The following GRM7 variants were observed in gnomAD, a reference collection of about 807,000 sequenced individuals.
GRM7 encodes glutamate metabotropic receptor 7.
GRM7 carries 35 observed loss-of-function variants against 84.5 expected under a neutral mutation model. The observed-to-expected ratio is 0.41, with a 90% CI of 0.32 to 0.55. GRM7 has a LOEUF of 0.55. GRM7 is among the 20% of genes least tolerant of loss of function. GRM7 has a pLI of 0.19. For synonymous variants in GRM7, 487 were observed against 455.1 expected, an observed-to-expected ratio of 1.07 and a Z score of -0.89; for missense variants, 1,003 against 1,194.6, an observed-to-expected ratio of 0.84 and a Z score of 2.36.
At chr3:7,477,695 C>T (rs2124932090) in intron 7 of GRM7, among the ~76,000 whole-genome samples, 1 of 152,198 alleles carries the variant, frequency 6.6e-6, no homozygotes, top group African/African-American at 2.4e-5. Flanking sequence ...CCATATGTTT[C>T]TTTTTAAAAT....
At chr3:7,323,775 A>G (rs559680364) in intron 4 of GRM7, among the ~76,000 whole-genome samples, 1 of 152,332 alleles carries the variant, frequency 6.6e-6, no homozygotes, top group South Asian at 2.1e-4. Context: ...GTTAATGATT[A>G]CAACAATGAC....
chr3:7,036,971 T>C (rs1251858625), intron 1 of GRM7, among the ~76,000 whole-genome samples: 1 of 152,206 alleles, frequency 6.6e-6, no homozygotes, highest in African/African-American at 2.4e-5. Context: ...TAATGAGTGA[T>C]TAATGGATCA....
In GRM7 at chr3:7,579,153, T is replaced by C. The variant is rs1464861827; in HGVS notation, c.2247T>C (p.Cys749=). Reference sequence around the variant, plus strand: ...AGCAAGCCAGAGGGGTTCTCAAGTGTGACATTACAGATCTCCAAATCATTT... The same window carrying C: ...AGCAAGCCAGAGGGGTTCTCAAGTGCGACATTACAGATCTCCAAATCATTT... ...NPEQARGVLK[C]DITDLQIICS... is the part of the protein sequence containing the mutation. Residue 749 remains cysteine, a synonymous_variant, in exon 8 of 10, where the codon TGT becomes TGC. Transcript: ENST00000357716. The C allele has an allele frequency of 6.2e-7, 1 of 1,613,908 alleles. No individual in the cohort carries two copies. The highest frequency in any genetic ancestry group is 1.1e-5 in the South Asian group (1 of 91,062).
rs375988558 is a variant in GRM7 at position 7,317,288 on chromosome 3, C to T, written c.1033+10636C>T. Among the ~76,000 whole-genome samples, 789 of 139,314 alleles carry T rather than the reference C, an allele frequency of 5.7e-3. 10 individuals are homozygous for T. The highest frequency in any genetic ancestry group is 0.024 in the African/African-American group (758 of 31,200). The allele number at this position is 139,314 out of a possible 152,430, so 91.4% of individuals were successfully genotyped here. A position where few individuals can be genotyped will look rare whatever the true frequency, so the allele number is the denominator to read the frequency against. On this transcript the variant is annotated intron_variant, in intron 4 of 9. Transcript: ENST00000357716. ...TCTTCCCAATTTTTATATGAGCATA[C>T]CACAGACCTTAAGGAGAACTATAGT... is the stretch of plus-strand genomic sequence containing the variant.
chr3:7,207,353 T>C (rs983304949), intron 2 of GRM7, among the ~76,000 whole-genome samples: 1 of 152,146 alleles, frequency 6.6e-6, no homozygotes, highest in Non-Finnish European at 1.5e-5. Flanking sequence ...CCCGGATGCC[T>C]CTCAAAAATG....
intron 1 of GRM7, among the ~76,000 whole-genome samples, chr3:7,013,640 G>A (rs766451408): frequency 1.3e-5 from 2 of 152,006 alleles, no homozygotes; most frequent in Non-Finnish European, 2.9e-5. Flanking sequence ...AAATAAACTA[G>A]CGTGGTGGTG....
At chr3:7,571,857 G>C (rs1485217231) in intron 7 of GRM7, among the ~76,000 whole-genome samples, 1 of 151,562 alleles carries the variant, frequency 6.6e-6, no homozygotes, top group Non-Finnish European at 1.5e-5. Context: ...ACATGACTGG[G>C]GAGGCCTCAC....
At chr3:7,392,719 G>A (rs1433474698) in intron 4 of GRM7, among the ~76,000 whole-genome samples, 3 of 152,198 alleles carry the variant, frequency 2.0e-5, no homozygotes, top group African/African-American at 7.2e-5. Flanking sequence ...GTGTCAGTCT[G>A]ACTCATGCCA....
intron 1 of GRM7, among the ~76,000 whole-genome samples, chr3:7,134,701 A>G (rs1693717054): frequency 6.6e-6 from 1 of 152,142 alleles, no homozygotes; most frequent in South Asian, 2.1e-4. Flanking sequence ...GGATGAGAAA[A>G]GGTGGTTCCT....
rs191326180 is a variant in GRM7, at chr3:7,729,908, T to C, written c.2699-10449T>C. ...TTTTTTTTTTGAGATGAAGTCTTGC[T>C]CTGTCGCCCAGGCTGGAGTACAGTG... On this transcript the variant is annotated intron_variant, in intron 9 of 9. Coordinates refer to ENST00000357716, the MANE Select transcript of GRM7 (RefSeq NM_000844.4). 2.1e-3 allele frequency among the ~76,000 whole-genome samples: 266 copies of C among 127,242 alleles called. 9 individuals carry two copies. In the East Asian group the frequency reaches 0.06, roughly 29 times the overall value. 83.5% of individuals were successfully genotyped at this position (127,242 alleles called of 152,430 possible). A position where few individuals can be genotyped will look rare whatever the true frequency, so the allele number is the denominator to read the frequency against.
chr3:7,715,770 T>C (rs140612344), intron 9 of GRM7, among the ~76,000 whole-genome samples: 1,768 of 152,328 alleles, frequency 0.012, 34 homozygotes, highest in African/African-American at 0.041. Context: ...TCCACTCATG[T>C]ATCTGGCATA....
intron 1 of GRM7, among the ~76,000 whole-genome samples, chr3:6,988,478 C>T (rs1354993174): frequency 6.6e-6 from 1 of 152,150 alleles, no homozygotes; most frequent in African/African-American, 2.4e-5. Context: ...ATTTGCTTTT[C>T]TACTGATGGT....
chr3:7,601,062 C>T (rs1696289748), intron 8 of GRM7, among the ~76,000 whole-genome samples: 1 of 152,104 alleles, frequency 6.6e-6, no homozygotes, highest in African/African-American at 2.4e-5. Flanking sequence ...TCACAGATTC[C>T]CATCACATTA....
At chr3:7,652,545 G>A (rs1159597049) in intron 8 of GRM7, among the ~76,000 whole-genome samples, 2 of 152,132 alleles carry the variant, frequency 1.3e-5, no homozygotes, top group Non-Finnish European at 2.9e-5. Flanking sequence ...TCCAGTGAGG[G>A]GAACAAACAT....
intron 1 of GRM7, among the ~76,000 whole-genome samples, chr3:7,020,753 C>G (rs538095737): frequency 6.6e-6 from 1 of 152,164 alleles, no homozygotes; most frequent in East Asian, 1.9e-4. Context: ...TATGCATTTG[C>G]TTATTTATCA....
chr3:7,002,679 G>A (rs1202506284), intron 1 of GRM7, among the ~76,000 whole-genome samples: 1 of 152,064 alleles, frequency 6.6e-6, no homozygotes, highest in Non-Finnish European at 1.5e-5. Flanking sequence ...AGTATATAGA[G>A]AGTCTTTTAA....
intron 2 of GRM7, among the ~76,000 whole-genome samples, chr3:7,183,038 G>A (rs1695395517): frequency 6.6e-6 from 1 of 151,496 alleles, no homozygotes. Context: ...TTTTAAACAC[G>A]CTGGGCATCA....
At chr3:7,209,627 C>G (rs1281127795) in intron 2 of GRM7, among the ~76,000 whole-genome samples, 1 of 152,126 alleles carries the variant, frequency 6.6e-6, no homozygotes, top group East Asian at 1.9e-4. Context: ...GTACGAGAAA[C>G]ACGTGTGGAA....
At chr3:7,058,477 G>A (rs1697309785) in intron 1 of GRM7, among the ~76,000 whole-genome samples, 1 of 151,744 alleles carries the variant, frequency 6.6e-6, no homozygotes, top group African/African-American at 2.4e-5. Flanking sequence ...AGATGTTGAT[G>A]TCAATATTTG....
Sources: gnomAD v4.1 joint callset for allele counts (sites outside exome capture counted in the v4.1 genomes callset) on GRCh38, gnomAD v4.1.1 for gene constraint, MANE v1.5 for transcripts, NCBI Gene and HGNC (gene_info 2026-07-23, HGNC 2026-07-21) for gene names.